Variants in WIPI1 observed in about 807,000 individuals in gnomAD.
The protein encoded by WIPI1 is WD repeat domain phosphoinositide-interacting protein 1.
A neutral mutation model predicts 55.3 loss-of-function variants in WIPI1; 45 were observed. The ratio of observed to expected loss-of-function variants is 0.81; its 90% confidence interval spans 0.64 to 1.04. The LOEUF is 1.04. Among genes scored for constraint, WIPI1 ranks in the 50% least tolerant of loss-of-function variants. The pLI is 0.00. For missense variants in WIPI1, 445 were observed against 559.0 expected (o/e 0.80, Z 2.06); for synonymous variants, 195 against 217.6 (o/e 0.90, Z 0.92).
At chr17:68,434,939 C>T (rs745358944) in intron 6 of WIPI1, among the ~76,000 whole-genome samples, 5 of 152,130 alleles carry the variant, frequency 3.3e-5, no homozygotes, top group Admixed American at 1.3e-4. Context: ...TGGTGGCTCA[C>T]GCCTGTAATC....
chr17:68,423,387 G>A lies in WIPI1; in HGVS notation c.1294-1567C>T, dbSNP rs1341326660. 2.0e-5 allele frequency among the ~76,000 whole-genome samples: 3 copies of A among 152,176 alleles called. No homozygotes were observed. The highest frequency in any genetic ancestry group is 1.5e-5 in the Non-Finnish European group (1 of 68,036). ...GAGAAGCCTGCCTGCTACTGAGACA[G>A]TGCCTTAGTGGGAGCACTGCCCCTC... is the stretch of plus-strand genomic sequence containing the variant. On this transcript the variant is annotated intron_variant, in intron 12 of 12. Transcript: ENST00000262139. The surrounding 1 kb of genome is among the most constrained non-coding windows in gnomAD (Gnocchi z 4.4).
intron 12 of WIPI1, chr17:68,424,333 C>A: frequency 4.2e-6 from 2 of 471,588 alleles, no homozygotes; most frequent in East Asian, 1.3e-4. Context: ...AAAACAACAG[C>A]CCCAGCCCTG....
At chr17:68,453,092 T>A in intron 1 of WIPI1, 100 bp from the exon 2 acceptor site, 1 of 875,630 alleles carries the variant, frequency 1.1e-6, no homozygotes, top group Non-Finnish European at 1.9e-6. Context: ...AGGGGTACAG[T>A]AAACAAGCAT....
At position 68,433,450 on chromosome 17, in the gene WIPI1, G is replaced by A; in HGVS notation, c.800+18C>T. ...TCCTTTCGTTTAATGAGCATTTGGT[G>A]CCCCGCGGAGTACTTGCCTGTTGGT... is the stretch of plus-strand genomic sequence containing the variant. On this transcript the variant is annotated intron_variant, in intron 8 of 12. Coordinates refer to ENST00000262139, the MANE Select transcript of WIPI1 (RefSeq NM_017983.7). The A allele has an allele frequency of 6.2e-7, 1 of 1,608,374 alleles. No individual in the cohort carries two copies. The highest frequency in any genetic ancestry group is 8.5e-7 in the Non-Finnish European group (1 of 1,174,966).
chr17:68,447,775 G>C (rs1022533984), intron 3 of WIPI1, among the ~76,000 whole-genome samples: 5 of 151,972 alleles, frequency 3.3e-5, no homozygotes, highest in African/African-American at 1.2e-4. Context: ...GGTGGATCAC[G>C]AGGTCAGGAG....
At chr17:68,433,760 GTTTTTTTTTTTTTTTTTTTTTTTTTT>G (rs556777098) in intron 7 of WIPI1, among the ~76,000 whole-genome samples, 185 bp from the exon 8 acceptor site, 3 of 72,814 alleles carry the variant, frequency 4.1e-5, no homozygotes, top group Non-Finnish European at 7.0e-5. Context: ...AAGGGTCATA[GTTTTTTTTTTTTTTTTTTTTTTTTTT>G]TTTTTTTTTT....
intron 7 of WIPI1, among the ~76,000 whole-genome samples, chr17:68,434,096 C>T (rs1172356584): frequency 6.6e-6 from 1 of 152,040 alleles, no homozygotes; most frequent in Non-Finnish European, 1.5e-5. Context: ...TGAGAAGAAA[C>T]AAGGTATAGC....
rs371348793 is a variant in WIPI1 at position 68,436,372 on chromosome 17, G to A, written c.528+10C>T. ...GGTGGGTTGGCTCAGCCAGGTCACC[G>A]TCAACTTACCAGGGAGTTTCCATCA... On this transcript the variant is annotated intron_variant, in intron 5 of 12. Transcript: ENST00000262139. 2.0e-5 allele frequency: 32 copies of A among 1,612,760 alleles called. No individual in the cohort carries two copies. The highest frequency in any genetic ancestry group is 1.6e-4 in the Middle Eastern group (1 of 6,078).
rs1568653756 is a variant in WIPI1 at position 68,452,995 on chromosome 17, G to A, written c.81-3C>T. On this transcript the variant is annotated splice_region_variant and splice_polypyrimidine_tract_variant and intron_variant, in intron 1 of 12. Coordinates refer to ENST00000262139, the MANE Select transcript of WIPI1 (RefSeq NM_017983.7). ...CTTTAGTTCCAGTTGCTAGGGATCT[G>A]TGGAGGATAATGACAGCATGGGAAT... 1.9e-6 allele frequency: 3 copies of A among 1,611,166 alleles called. No homozygotes were observed. Among genetic ancestry groups the A allele is most frequent in the Non-Finnish European group, 2.5e-6 (3 of 1,177,420 alleles).
chr17:68,433,773 T>G (rs1020572959), intron 7 of WIPI1, among the ~76,000 whole-genome samples, 198 bp from the exon 8 acceptor site: 24 of 23,486 alleles, frequency 1.0e-3, no homozygotes, highest in East Asian at 8.8e-3. Flanking sequence ...TTTTTTTTTT[T>G]TTTTTTTTTT....
At chr17:68,438,186 C>T (rs1029218067) in intron 4 of WIPI1, among the ~76,000 whole-genome samples, 28 of 152,250 alleles carry the variant, frequency 1.8e-4, no homozygotes, top group Admixed American at 5.9e-4. Context: ...TTATCACTTG[C>T]CATGCATAGC....
intron 4 of WIPI1, among the ~76,000 whole-genome samples, chr17:68,442,505 G>A (rs1455153255): frequency 6.6e-6 from 1 of 151,956 alleles, no homozygotes; most frequent in Non-Finnish European, 1.5e-5. Flanking sequence ...TGTTTGCAAG[G>A]GAGGGTGCTC....
At chr17:68,441,440 C>T (rs2084072791) in intron 4 of WIPI1, among the ~76,000 whole-genome samples, 1 of 152,162 alleles carries the variant, frequency 6.6e-6, no homozygotes, top group African/African-American at 2.4e-5. Flanking sequence ...CCTTCTGTAC[C>T]CAGCAAGGAT....
intron 4 of WIPI1, among the ~76,000 whole-genome samples, chr17:68,437,205 G>C (rs1293388772): frequency 6.6e-6 from 1 of 152,042 alleles, no homozygotes; most frequent in Non-Finnish European, 1.5e-5. Context: ...ATTATATACT[G>C]TTGGCCAGTA....
chr17:68,426,618 C>T (rs765086708), intron 11 of WIPI1, among the ~76,000 whole-genome samples: 40 of 152,154 alleles, frequency 2.6e-4, no homozygotes, highest in South Asian at 6.2e-4. Flanking sequence ...CTGCAATCTC[C>T]GCCTCTCTGG....
At chr17:68,452,760 G>A (rs890127195) in intron 2 of WIPI1, 150 bp downstream of exon 2, 6 of 613,460 alleles carry the variant, frequency 9.8e-6, no homozygotes, top group African/African-American at 3.7e-5. Context: ...TAGTGGCAAC[G>A]ATTTATATTT....
At chr17:68,456,497 T>C (rs548974075) in intron 1 of WIPI1, among the ~76,000 whole-genome samples, 71 of 132,538 alleles carry the variant, frequency 5.4e-4, no homozygotes, top group Non-Finnish European at 1.1e-3. Context: ...TCCATGAAAA[T>C]AGGGAAAGAA....
At chr17:68,446,056 A>C (rs1474530242) in intron 3 of WIPI1, among the ~76,000 whole-genome samples, 1 of 152,202 alleles carries the variant, frequency 6.6e-6, no homozygotes, top group Non-Finnish European at 1.5e-5. Flanking sequence ...AATACCACAC[A>C]AAAGAGGCAG....
chr17:68,422,666 T>C (rs551380047), intron 12 of WIPI1: 2 of 143,826 alleles, frequency 1.4e-5, no homozygotes, highest in Admixed American at 7.4e-5. Context: ...GAGGTGGAGG[T>C]TGCAGTGAGT....
Sources: allele counts gnomAD v4.1 joint callset (sites outside exome capture counted in the v4.1 genomes callset), GRCh38; gene constraint gnomAD v4.1.1; non-coding constraint Gnocchi (gnomAD v3.1); transcripts MANE v1.5; gene names NCBI Gene and HGNC (gene_info 2026-07-23, HGNC 2026-07-21).